The following FGF14 variants were observed in gnomAD, a reference collection of about 807,000 sequenced individuals.
FGF14 encodes fibroblast growth factor 14.
Under a neutral mutation model 25.5 loss-of-function variants are expected in FGF14, and 5 were observed. That is an observed-to-expected ratio of 0.20 (90% confidence interval 0.10 to 0.41). The LOEUF (loss-of-function observed/expected upper bound fraction) is 0.41. Among genes scored for constraint, FGF14 ranks in the 10% least tolerant of loss-of-function variants. The pLI is 1.00. For synonymous variants in FGF14, 138 were observed against 118.3 expected (o/e 1.17, Z -1.08); for missense variants, 222 against 320.1 (o/e 0.69, Z 2.34).
chr13:102,215,952 A>T (rs867038570), intron 1 of FGF14, among the ~76,000 whole-genome samples: 1 of 152,202 alleles, frequency 6.6e-6, no homozygotes, highest in Non-Finnish European at 1.5e-5. Context: ...GAAAAGTCAG[A>T]GACAGAGGTG....
intron 1 of FGF14, among the ~76,000 whole-genome samples, chr13:102,015,747 GC>G (rs1322039416): frequency 6.6e-6 from 1 of 152,000 alleles, no homozygotes; most frequent in Non-Finnish European, 1.5e-5. Flanking sequence ...AGATCCTAAA[GC>G]AGCCTTCCCA....
In FGF14 at chr13:102,110,175, T is replaced by C. The variant is rs1414059523; in HGVS notation, c.209-234879A>G. Among the ~76,000 whole-genome samples, 8 of 152,272 alleles carry C rather than the reference T, an allele frequency of 5.3e-5. No individual in the cohort carries two copies. The South Asian group carries it at 1.5e-3, about 28-fold the overall frequency. On this transcript the variant is annotated intron_variant, in intron 1 of 4. Transcript: ENST00000376131. The stretch of plus-strand genomic sequence containing the variant: ...ATTTATAATAGCTTCAAAAGACTTG[T>C]TTTAGAGCTTTAATGTGATGAGATT...
intron 1 of FGF14, among the ~76,000 whole-genome samples, chr13:102,183,950 T>G (rs2048778022): frequency 6.6e-6 from 1 of 152,204 alleles, no homozygotes; most frequent in Non-Finnish European, 1.5e-5. Context: ...TGGCTCATCA[T>G]ACAGGGTGCT....
chr13:101,939,062 T>C (rs1339202015), intron 1 of FGF14, among the ~76,000 whole-genome samples: 1 of 152,090 alleles, frequency 6.6e-6, no homozygotes, highest in Non-Finnish European at 1.5e-5. Context: ...AAAATGCCAA[T>C]AGTGCCAAGG....
intron 1 of FGF14, among the ~76,000 whole-genome samples, chr13:102,312,361 T>A (rs2055816043): frequency 6.6e-6 from 1 of 151,840 alleles, no homozygotes; most frequent in African/African-American, 2.4e-5. Context: ...TTCAAGGAGG[T>A]TTCATTTACA....
chr13:102,247,034 C>A (rs775365508), intron 1 of FGF14, among the ~76,000 whole-genome samples: 21 of 152,142 alleles, frequency 1.4e-4, no homozygotes, highest in Middle Eastern at 3.4e-3. Flanking sequence ...ACTTGTTAGC[C>A]ATATGCAGAA....
chr13:102,397,767 A>G (rs963424075), intron 1 of FGF14, among the ~76,000 whole-genome samples: 3 of 152,162 alleles, frequency 2.0e-5, no homozygotes, highest in African/African-American at 4.8e-5. Context: ...CTTAAAGTGC[A>G]GTGACCTAGA....
intron 1 of FGF14, among the ~76,000 whole-genome samples, chr13:102,113,334 T>C (rs16959732): frequency 0.027 from 4,097 of 152,250 alleles, 180 homozygotes; most frequent in African/African-American, 0.093. Context: ...TTTTCTCTGC[T>C]TCCTAACCTG....
chr13:101,994,329 C>CAT (rs2039067577), intron 1 of FGF14, among the ~76,000 whole-genome samples: 2 of 151,576 alleles, frequency 1.3e-5, no homozygotes, highest in African/African-American at 2.4e-5. Flanking sequence ...CAGTATATAC[C>CAT]TATTTTATTT....
At position 102,363,574 on chromosome 13, in the gene FGF14, G is replaced by A. The variant is rs376993153; in HGVS notation, c.208+37897C>T. On this transcript the variant is annotated intron_variant, in intron 1 of 4. Coordinates refer to the FGF14 transcript ENST00000376131. ...ACCACCACTGCATTCCGTTAGAAAA[G>A]GCTCTTTTTCCCATAGCAGGATTCT... is the stretch of plus-strand genomic sequence containing the variant. Among the ~76,000 whole-genome samples, 5 of 152,132 alleles carry A rather than the reference G, an allele frequency of 3.3e-5. No individual in the cohort carries two copies. In the East Asian group the frequency reaches 5.8e-4, roughly 18 times the overall value.
intron 3 of FGF14, among the ~76,000 whole-genome samples, chr13:101,780,209 A>C (rs2039403984): frequency 6.6e-6 from 1 of 152,182 alleles, no homozygotes. Flanking sequence ...TGTTGGATTG[A>C]TAGAACTGCC....
chr13:102,275,234 T>TCTCTCTCTCTC (rs2053454109), intron 1 of FGF14, among the ~76,000 whole-genome samples: 2 of 67,486 alleles, frequency 3.0e-5, no homozygotes, highest in Non-Finnish European at 3.0e-5. Context: ...TTAGGCAGAT[T>TCTCTCTCTCTC]TCTCTCTCTC....
intron 3 of FGF14, among the ~76,000 whole-genome samples, chr13:101,860,320 A>G (rs1242805171): frequency 6.6e-6 from 1 of 152,096 alleles, no homozygotes; most frequent in Non-Finnish European, 1.5e-5. Flanking sequence ...GACCACAACC[A>G]GAAGTTTTCT....
Position 102,021,350 on chromosome 13 carries a change from C to T in FGF14, c.209-146054G>A, listed in dbSNP as rs76719169. Among the ~76,000 whole-genome samples, 699 of 152,086 alleles carry T rather than the reference C, an allele frequency of 4.6e-3. 27 individuals carry two copies. In the East Asian group the frequency reaches 0.063, roughly 14 times the overall value. On this transcript the variant is annotated intron_variant, in intron 1 of 4. Coordinates refer to the FGF14 transcript ENST00000376131. The stretch of plus-strand genomic sequence containing the variant: ...GAGGCTTCGTAAAAGAGAGTAAGTG[C>T]GTTGTGCTCTGGTGGGAGTGAAGTT...
chr13:101,957,242 A>G (rs1291049245), intron 1 of FGF14, among the ~76,000 whole-genome samples: 1 of 152,192 alleles, frequency 6.6e-6, no homozygotes, highest in East Asian at 1.9e-4. Flanking sequence ...CTAATTTCCA[A>G]ACTTCGGTGT....
chr13:102,276,452 T>C (rs1453224466), intron 1 of FGF14, among the ~76,000 whole-genome samples: 1 of 150,250 alleles, frequency 6.7e-6, no homozygotes, highest in East Asian at 2.0e-4. Context: ...TCCAAACTAC[T>C]GACATATTTA....
intron 1 of FGF14, among the ~76,000 whole-genome samples, chr13:102,237,508 CT>C (rs1207034707): frequency 6.7e-6 from 1 of 149,990 alleles, no homozygotes; most frequent in Non-Finnish European, 1.5e-5. Flanking sequence ...ACATCTGTTA[CT>C]TTGGTGCAAA....
chr13:101,772,258 TA>T (rs2038824578), intron 3 of FGF14, among the ~76,000 whole-genome samples: 1 of 152,134 alleles, frequency 6.6e-6, no homozygotes, highest in African/African-American at 2.4e-5. Context: ...CAGAATTTTC[TA>T]ACTGCACAAT....
chr13:101,865,248 G>A (rs1421259682), intron 3 of FGF14, among the ~76,000 whole-genome samples: 1 of 151,964 alleles, frequency 6.6e-6, no homozygotes, highest in Non-Finnish European at 1.5e-5. Flanking sequence ...GATTTTCTTA[G>A]TCTTTCAAAG....
Sources: gnomAD v4.1 joint callset for allele counts (sites outside exome capture counted in the v4.1 genomes callset) on GRCh38, gnomAD v4.1.1 for gene constraint, MANE v1.5 for transcripts, NCBI Gene and HGNC (gene_info 2026-07-23, HGNC 2026-07-21) for gene names.